Variants in GRIP1 observed in about 807,000 individuals in gnomAD.
GRIP1 encodes the protein glutamate receptor interacting protein 1.
A neutral mutation model predicts 129.9 loss-of-function variants in GRIP1; 45 were observed. That is an observed-to-expected ratio of 0.35 (90% CI 0.27 to 0.44). The LOEUF (loss-of-function observed/expected upper bound fraction) is 0.44. Ranked by LOEUF, GRIP1 falls within the 20% of genes least tolerant of loss-of-function variation. The probability of loss-of-function intolerance (pLI) is 1.00; values close to 1 mark genes in which losing one functional copy is unlikely to be tolerated. For synonymous variants in GRIP1, 530 were observed against 520.8 expected, an observed-to-expected ratio of 1.02 and a Z score of -0.24; for missense variants, 1,196 against 1,396.8, an observed-to-expected ratio of 0.86 and a Z score of 2.29.
intron 2 of GRIP1, among the ~76,000 whole-genome samples, chr12:66,551,883 G>T (rs1318329834): frequency 1.3e-5 from 2 of 151,960 alleles, no homozygotes; most frequent in Non-Finnish European, 2.9e-5. Flanking sequence ...TGCCAGGCAG[G>T]GCAGTATCTT....
intron 1 of GRIP1, among the ~76,000 whole-genome samples, chr12:66,710,586 C>T (rs1750972349): frequency 1.3e-5 from 2 of 152,102 alleles, no homozygotes; most frequent in Non-Finnish European, 2.9e-5. Context: ...AACCAATGCA[C>T]TTTCCTTGAG....
chr12:66,565,939 T>C (rs2062740315), intron 2 of GRIP1, among the ~76,000 whole-genome samples: 1 of 152,204 alleles, frequency 6.6e-6, no homozygotes, highest in Non-Finnish European at 1.5e-5. Flanking sequence ...TACTGGTGTA[T>C]AGGAATGCTT....
intron 24 of GRIP1, among the ~76,000 whole-genome samples, chr12:66,352,720 CAAA>C (rs1164207741): frequency 1.3e-4 from 8 of 63,708 alleles, no homozygotes; most frequent in Non-Finnish European, 1.5e-4. Context: ...GACTCTGTCT[CAAA>C]AAAAAAAAAA....
chr12:66,618,819 G>A (rs1343762727), intron 1 of GRIP1, among the ~76,000 whole-genome samples: 1 of 151,998 alleles, frequency 6.6e-6, no homozygotes, highest in Non-Finnish European at 1.5e-5. Context: ...GGAGACTGCT[G>A]AAAAAAGGCA....
chr12:67,049,204 A>T (rs1235775095), intron 1 of GRIP1, among the ~76,000 whole-genome samples: 2 of 152,200 alleles, frequency 1.3e-5, no homozygotes, highest in African/African-American at 4.8e-5. Context: ...TCTGTTTCAT[A>T]AACAATTTCC....
At chr12:66,554,424 G>A (rs1019085435) in intron 2 of GRIP1, among the ~76,000 whole-genome samples, 4 of 152,150 alleles carry the variant, frequency 2.6e-5, no homozygotes, top group Non-Finnish European at 5.9e-5. Context: ...GGCCTTGGGT[G>A]AGAATCTGAG....
intron 22 of GRIP1, among the ~76,000 whole-genome samples, chr12:66,376,654 T>C (rs2055798361): frequency 1.3e-5 from 2 of 152,258 alleles, no homozygotes; most frequent in African/African-American, 4.8e-5. Context: ...AGCTGCATTG[T>C]CATCTACTTT....
At chr12:66,472,181 A>C (rs1426384115) in intron 7 of GRIP1, among the ~76,000 whole-genome samples, 1 of 152,192 alleles carries the variant, frequency 6.6e-6, no homozygotes, top group Non-Finnish European at 1.5e-5. Flanking sequence ...AGTCCCATGG[A>C]AGTGGACTTT....
At chr12:66,376,695 T>C (rs2055800348) in intron 22 of GRIP1, among the ~76,000 whole-genome samples, 1 of 152,258 alleles carries the variant, frequency 6.6e-6, no homozygotes, top group African/African-American at 2.4e-5. Flanking sequence ...TAAAATTTCC[T>C]CTTATGTTCC....
chr12:66,707,726 TC>T (rs2035583044), intron 1 of GRIP1, among the ~76,000 whole-genome samples: 1 of 151,944 alleles, frequency 6.6e-6, no homozygotes, highest in African/African-American at 2.4e-5. Context: ...TCTTCATAAT[TC>T]AACCATTCCT....
intron 1 of GRIP1, among the ~76,000 whole-genome samples, chr12:67,004,534 T>C (rs1182725379): frequency 6.6e-6 from 1 of 152,058 alleles, no homozygotes; most frequent in Non-Finnish European, 1.5e-5. Context: ...GTTCCATTGT[T>C]ACAAAATCAT....
chr12:66,908,563 T>G (rs1342179647), intron 1 of GRIP1, among the ~76,000 whole-genome samples: 1 of 152,138 alleles, frequency 6.6e-6, no homozygotes, highest in Non-Finnish European at 1.5e-5. Flanking sequence ...ACAAATATGA[T>G]CTGAAGAAAC....
chr12:66,900,248 G>C (rs2040822967), intron 1 of GRIP1, among the ~76,000 whole-genome samples: 1 of 152,132 alleles, frequency 6.6e-6, no homozygotes, highest in Non-Finnish European at 1.5e-5. Context: ...TTCCTCTTCA[G>C]ATAAATGAAG....
chr12:66,889,995 T>C (rs2040631521), intron 1 of GRIP1, among the ~76,000 whole-genome samples: 1 of 152,102 alleles, frequency 6.6e-6, no homozygotes, highest in African/African-American at 2.4e-5. Context: ...AGTGGTGTAA[T>C]CACGGCTCAA....
intron 1 of GRIP1, among the ~76,000 whole-genome samples, chr12:66,664,319 T>C (rs1484571129): frequency 2.0e-5 from 3 of 152,212 alleles, no homozygotes; most frequent in African/African-American, 7.2e-5. Context: ...TTGGCTTTTG[T>C]AGTGAGTCAA....
intron 1 of GRIP1, among the ~76,000 whole-genome samples, chr12:66,856,324 T>C (rs2040002941): frequency 6.6e-6 from 1 of 152,134 alleles, no homozygotes; most frequent in Non-Finnish European, 1.5e-5. Context: ...AAGGACTTCA[T>C]GTCTAAAACA....
intron 2 of GRIP1, among the ~76,000 whole-genome samples, chr12:66,557,182 C>A (rs2062365186): frequency 6.7e-6 from 1 of 149,434 alleles, no homozygotes; most frequent in African/African-American, 2.4e-5. Flanking sequence ...AGCTATATTT[C>A]TATCAGACAA....
chr12:66,670,736 G>A (rs1052346252), intron 1 of GRIP1, among the ~76,000 whole-genome samples: 3 of 152,162 alleles, frequency 2.0e-5, no homozygotes, highest in African/African-American at 7.2e-5. Flanking sequence ...GTCTAAGGGA[G>A]AGCTCAGAGC....
rs367759557 is a variant in GRIP1, at chr12:66,493,119, T to A, written c.724+22500A>T. The stretch of plus-strand genomic sequence containing the variant: ...AGTGAGTTTACAAAGTGCTTACACA[T>A]ACATCATGCCATTTTCTTGCTCACA... On this transcript the variant is annotated intron_variant, in intron 7 of 24. Transcript: ENST00000359742. Among the ~76,000 whole-genome samples, 10 of 152,342 alleles carry A rather than the reference T, an allele frequency of 6.6e-5. No individual in the cohort carries two copies. In the East Asian group the frequency reaches 1.9e-3, roughly 29 times the overall value.
Sources: allele counts gnomAD v4.1 joint callset (sites outside exome capture counted in the v4.1 genomes callset), GRCh38; gene constraint gnomAD v4.1.1; transcripts MANE v1.5; gene names NCBI Gene and HGNC (gene_info 2026-07-23, HGNC 2026-07-21).